The following BNC2 variants were observed in gnomAD, a reference collection of about 807,000 sequenced individuals.
The protein encoded by BNC2 is zinc finger protein basonuclin-2.
Under a neutral mutation model 76.3 loss-of-function variants are expected in BNC2, and 20 were observed. That is an observed-to-expected ratio of 0.26 (90% CI 0.18 to 0.38). The LOEUF (loss-of-function observed/expected upper bound fraction) is 0.38. BNC2 is among the 10% of genes least tolerant of loss of function. The pLI, the probability that BNC2 is intolerant of heterozygous loss-of-function variation, is 1.00. For synonymous variants in BNC2, 582 were observed against 514.8 expected (o/e 1.13, Z -1.77); for missense variants, 1,382 against 1,399.8 (o/e 0.99, Z 0.20).
At chr9:16,506,032 G>A (rs555644528) in intron 5 of BNC2, among the ~76,000 whole-genome samples, 1 of 152,272 alleles carries the variant, frequency 6.6e-6, no homozygotes, top group East Asian at 1.9e-4. Context: ...GACTTAGTAA[G>A]AAGTGGACTC....
chr9:16,705,524 T>C (rs754834850), intron 3 of BNC2, among the ~76,000 whole-genome samples: 5 of 152,174 alleles, frequency 3.3e-5, no homozygotes, highest in African/African-American at 4.8e-5. Context: ...GCGCAGGCCA[T>C]TTGCTGCTCC....
intron 5 of BNC2, among the ~76,000 whole-genome samples, chr9:16,464,531 G>A (rs1001537513): frequency 2.6e-5 from 4 of 152,084 alleles, no homozygotes; most frequent in African/African-American, 9.7e-5. Context: ...ACAGGGAGGG[G>A]CATCTCTTTG....
At chr9:16,859,367 C>T (rs1183436755) in intron 1 of BNC2, among the ~76,000 whole-genome samples, 1 of 152,176 alleles carries the variant, frequency 6.6e-6, no homozygotes, top group Non-Finnish European at 1.5e-5. Flanking sequence ...AGATTGAAAG[C>T]AGTATCTTTT....
intron 5 of BNC2, among the ~76,000 whole-genome samples, chr9:16,495,489 A>G (rs555911642): frequency 6.6e-6 from 1 of 152,264 alleles, no homozygotes; most frequent in Non-Finnish European, 1.5e-5. Context: ...TTGCCTGTAA[A>G]CAGTGCTTGC....
intron 1 of BNC2, among the ~76,000 whole-genome samples, chr9:16,749,697 G>A (rs555665900): frequency 1.8e-5 from 1 of 54,596 alleles, no homozygotes; most frequent in Admixed American, 1.3e-4. Flanking sequence ...GAGATCCTGT[G>A]CTTTAAAAAA....
chr9:16,507,587 C>G (rs1026216444), intron 5 of BNC2, among the ~76,000 whole-genome samples: 12 of 152,162 alleles, frequency 7.9e-5, no homozygotes, highest in Non-Finnish European at 1.5e-4. Context: ...CACCACCATG[C>G]CTGGCTAATT....
At chr9:16,843,267 C>T (rs1818879453) in intron 1 of BNC2, among the ~76,000 whole-genome samples, 1 of 152,262 alleles carries the variant, frequency 6.6e-6, no homozygotes, top group South Asian at 2.1e-4. Context: ...GGTTATAATT[C>T]TGTTTGTACT....
intron 3 of BNC2, among the ~76,000 whole-genome samples, chr9:16,677,748 T>A (rs373609739): frequency 2.0e-5 from 3 of 152,112 alleles, no homozygotes; most frequent in African/African-American, 7.2e-5. Flanking sequence ...GCTGCAAACT[T>A]CTAGCTGGCT....
chr9:16,750,765 A>G (rs1825168008), intron 1 of BNC2, among the ~76,000 whole-genome samples: 1 of 152,282 alleles, frequency 6.6e-6, no homozygotes, highest in African/African-American at 2.4e-5. Context: ...GCTTGAAAGC[A>G]AATTCATGTC....
At chr9:16,761,886 A>G (rs528499106) in intron 1 of BNC2, among the ~76,000 whole-genome samples, 75 of 152,330 alleles carry the variant, frequency 4.9e-4, no homozygotes, top group African/African-American at 1.7e-3. Context: ...CTACCAAGTT[A>G]CATGTAAATG....
intron 5 of BNC2, among the ~76,000 whole-genome samples, chr9:16,513,299 CTTTTTTTT>C (rs1202222924): frequency 2.8e-4 from 24 of 85,550 alleles, no homozygotes; most frequent in East Asian, 2.0e-3. Context: ...AGAAAAGGTT[CTTTTTTTT>C]TTTTTTTTTT....
At chr9:16,866,430 G>C (rs1249354314) in intron 1 of BNC2, among the ~76,000 whole-genome samples, 1 of 151,924 alleles carries the variant, frequency 6.6e-6, no homozygotes, top group East Asian at 1.9e-4. Context: ...ACTTCTCGGT[G>C]ATTTCGTAGG....
chr9:16,470,138 C>T (rs1343593439), intron 5 of BNC2, among the ~76,000 whole-genome samples: 2 of 151,630 alleles, frequency 1.3e-5, no homozygotes, highest in Non-Finnish European at 2.9e-5. Flanking sequence ...GCTGGGACTA[C>T]AGGCGCCCAC....
At chr9:16,646,675 A>ACTC (rs2133904398) in intron 3 of BNC2, among the ~76,000 whole-genome samples, 2 of 152,306 alleles carry the variant, frequency 1.3e-5, no homozygotes, top group East Asian at 3.9e-4. Flanking sequence ...GTTTAATATG[A>ACTC]GTATACACAT....
chr9:16,484,921 G>A (rs1342883190), intron 5 of BNC2, among the ~76,000 whole-genome samples: 5 of 152,210 alleles, frequency 3.3e-5, no homozygotes, highest in African/African-American at 1.2e-4. Flanking sequence ...CATATGTGAA[G>A]CTTGGCTTCA....
chr9:16,603,292 C>A (rs1315271466), intron 3 of BNC2, among the ~76,000 whole-genome samples: 1 of 152,208 alleles, frequency 6.6e-6, no homozygotes, highest in Non-Finnish European at 1.5e-5. Context: ...AAATTTACTT[C>A]TACACAGTGT....
At chr9:16,629,662 G>C (rs185037946) in intron 3 of BNC2, among the ~76,000 whole-genome samples, 30 of 152,204 alleles carry the variant, frequency 2.0e-4, no homozygotes, top group African/African-American at 5.8e-4. Flanking sequence ...CAAGTCACAT[G>C]ATTTTTTTTT....
In BNC2 at chr9:16,695,603, G is replaced by A. The variant is rs113559313; in HGVS notation, c.330+32194C>T. Among the ~76,000 whole-genome samples the A allele has an allele frequency of 8.5e-3, 1,224 of 143,342 alleles. 20 individuals are homozygous for A. Among genetic ancestry groups the A allele is most frequent in the African/African-American group, 0.029 (1,099 of 38,246 alleles). The allele number at this position is 143,342 out of a possible 152,430, so 94.0% of individuals were successfully genotyped here. A position where few individuals can be genotyped will look rare whatever the true frequency, so the allele number is the denominator to read the frequency against. On this transcript the variant is annotated intron_variant, in intron 3 of 6. Coordinates refer to ENST00000380672, the MANE Select transcript of BNC2 (RefSeq NM_017637.6). Reference sequence around the variant, plus strand: ...TTACCCAGGCTGGTCTTGAACTCCTGGCCTCAAGTGATCCTCCTGCTGCGG... The same window carrying A: ...TTACCCAGGCTGGTCTTGAACTCCTAGCCTCAAGTGATCCTCCTGCTGCGG...
At chr9:16,693,451 A>C (rs377195140) in intron 3 of BNC2, among the ~76,000 whole-genome samples, 1 of 152,166 alleles carries the variant, frequency 6.6e-6, no homozygotes, top group African/African-American at 2.4e-5. Flanking sequence ...AGCATGTCTG[A>C]AACTCATTTG....
Sources: gnomAD v4.1 joint callset for allele counts (sites outside exome capture counted in the v4.1 genomes callset) on GRCh38, gnomAD v4.1.1 for gene constraint, MANE v1.5 for transcripts, NCBI Gene and HGNC (gene_info 2026-07-23, HGNC 2026-07-21) for gene names.